CNTN5: variants seen among roughly 807,000 people sequenced by gnomAD.
CNTN5 encodes the protein contactin-5.
Under a neutral mutation model 129.1 loss-of-function variants are expected in CNTN5, and 77 were observed. That is an observed-to-expected ratio of 0.60 (90% confidence interval 0.50 to 0.72). The LOEUF is 0.72. Among genes scored for constraint, CNTN5 ranks in the 30% least tolerant of loss-of-function variants. The pLI, the probability that CNTN5 is intolerant of heterozygous loss-of-function variation, is 0.00. For missense variants in CNTN5, 1,478 were observed against 1,328.8 expected (o/e 1.11, Z -1.75); for synonymous variants, 509 against 465.6 (o/e 1.09, Z -1.20).
intron 17 of CNTN5, among the ~76,000 whole-genome samples, chr11:100,257,794 A>C (rs776354841): frequency 1.9e-4 from 29 of 152,210 alleles, no homozygotes; most frequent in Non-Finnish European, 3.7e-4. Context: ...GGTCACCAAC[A>C]TCGAAGACCA....
chr11:99,865,943 C>T (rs914618233), intron 6 of CNTN5, among the ~76,000 whole-genome samples: 1 of 152,084 alleles, frequency 6.6e-6, no homozygotes, highest in East Asian at 1.9e-4. Flanking sequence ...CATAGTAGAA[C>T]TATTACTGTT....
intron 16 of CNTN5, among the ~76,000 whole-genome samples, chr11:100,233,942 TAAAC>T (rs1391617328): frequency 1.3e-5 from 2 of 151,754 alleles, no homozygotes; most frequent in African/African-American, 4.8e-5. Context: ...ACAAGAAACT[TAAAC>T]AAATTTACAA....
intron 2 of CNTN5, among the ~76,000 whole-genome samples, chr11:99,526,241 G>GT (rs1278609297): frequency 6.6e-6 from 1 of 152,126 alleles, no homozygotes; most frequent in Non-Finnish European, 1.5e-5. Context: ...GAAGTAGTGT[G>GT]TTTTTTCTTT....
intron 2 of CNTN5, among the ~76,000 whole-genome samples, chr11:99,436,446 T>C (rs949390083): frequency 2.0e-5 from 3 of 152,184 alleles, no homozygotes; most frequent in African/African-American, 7.2e-5. Context: ...TCCTTACATC[T>C]TTCACAGCAT....
chr11:99,199,483 G>A (rs941094479), intron 1 of CNTN5, among the ~76,000 whole-genome samples: 4 of 152,058 alleles, frequency 2.6e-5, no homozygotes, highest in Admixed American at 6.6e-5. Context: ...ACAACAACCC[G>A]ACATTCTCAT....
intron 3 of CNTN5, among the ~76,000 whole-genome samples, chr11:99,623,313 C>T (rs1951015632): frequency 6.6e-6 from 1 of 152,048 alleles, no homozygotes; most frequent in Admixed American, 6.6e-5. Context: ...ATAACTTAAG[C>T]TCAACTGGAT....
intron 6 of CNTN5, among the ~76,000 whole-genome samples, chr11:99,859,272 T>G (rs1310633077): frequency 1.3e-5 from 2 of 152,242 alleles, no homozygotes; most frequent in African/African-American, 4.8e-5. Context: ...ACGGCTCAGA[T>G]TACTGAACTT....
At chr11:99,595,096 A>C (rs992256330) in intron 3 of CNTN5, among the ~76,000 whole-genome samples, 1 of 152,154 alleles carries the variant, frequency 6.6e-6, no homozygotes, top group Admixed American at 6.5e-5. Context: ...AGGGTGGTCA[A>C]TGGGTACAAA....
chr11:99,279,002 A>T (rs995378318), intron 1 of CNTN5, among the ~76,000 whole-genome samples: 1 of 151,708 alleles, frequency 6.6e-6, no homozygotes, highest in African/African-American at 2.4e-5. Context: ...TATAATGTCA[A>T]GTGAAAATAT....
At chr11:99,229,955 T>C (rs1205864476) in intron 1 of CNTN5, among the ~76,000 whole-genome samples, 2 of 151,936 alleles carry the variant, frequency 1.3e-5, no homozygotes, top group Non-Finnish European at 2.9e-5. Flanking sequence ...TAAGAAAACT[T>C]CCTCATAATA....
chr11:99,862,570 T>A (rs1473446320), intron 6 of CNTN5, among the ~76,000 whole-genome samples: 3 of 152,090 alleles, frequency 2.0e-5, no homozygotes, highest in Non-Finnish European at 4.4e-5. Flanking sequence ...AATCTGACTT[T>A]GTTGTCTATT....
intron 6 of CNTN5, among the ~76,000 whole-genome samples, chr11:99,903,438 C>A (rs1184206783): frequency 1.3e-5 from 2 of 151,974 alleles, no homozygotes; most frequent in African/African-American, 4.8e-5. Flanking sequence ...AAAACTATTT[C>A]TTTATGAAAA....
At chr11:99,225,293 A>C (rs17133283) in intron 1 of CNTN5, among the ~76,000 whole-genome samples, 1 of 152,162 alleles carries the variant, frequency 6.6e-6, no homozygotes, top group South Asian at 2.1e-4. Context: ...ACAGGGCGCT[A>C]TAGGCCTGCG....
intron 16 of CNTN5, 124 bp from the exon 17 acceptor site, chr11:100,255,636 T>C (rs1212750260): frequency 1.3e-6 from 1 of 799,978 alleles, no homozygotes; most frequent in Non-Finnish European, 1.9e-6. Context: ...TCAATTTTAA[T>C]TACTAAATTC....
chr11:99,661,535 A>G (rs1264491184), intron 3 of CNTN5, among the ~76,000 whole-genome samples: 1 of 152,064 alleles, frequency 6.6e-6, no homozygotes, highest in African/African-American at 2.4e-5. Flanking sequence ...AAGTTACTAT[A>G]TGTGTATATG....
At position 100,308,430 on chromosome 11, in the gene CNTN5, C is replaced by T. The variant is rs200641626; in HGVS notation, c.2692C>T (p.His898Tyr). 6.2e-6 allele frequency: 10 copies of T among 1,610,654 alleles called. No homozygotes were observed. The highest frequency in any genetic ancestry group is 8.5e-6 in the Non-Finnish European group (10 of 1,177,782). The change falls in exon 21 of 25, where the codon CAC becomes TAC. Residue 898 changes from histidine to tyrosine, a missense_variant. His to Tyr is a moderately conservative substitution (Grantham distance 83). Coordinates refer to ENST00000524871, the MANE Select transcript of CNTN5 (RefSeq NM_014361.4). ...GTCAGAGATTCTTGTTGCATGGAAA[C>T]ACATTAAAGAGAGTCTAGGAAGACC... ...SVSEILVAWK[H>Y]IKESLGRPQG...
At chr11:99,695,890 G>A (rs908368328) in intron 3 of CNTN5, among the ~76,000 whole-genome samples, 1 of 151,976 alleles carries the variant, frequency 6.6e-6, no homozygotes, top group African/African-American at 2.4e-5. Flanking sequence ...AACACTAAAA[G>A]CACTTACCTT....
intron 13 of CNTN5, among the ~76,000 whole-genome samples, chr11:100,082,086 C>A (rs1944387093): frequency 6.6e-6 from 1 of 151,740 alleles, no homozygotes; most frequent in South Asian, 2.1e-4. Flanking sequence ...TAAAAAGAAT[C>A]ATCATCATGC....
At chr11:99,592,837 G>A (rs1421986828) in intron 3 of CNTN5, among the ~76,000 whole-genome samples, 1 of 152,136 alleles carries the variant, frequency 6.6e-6, no homozygotes, top group African/African-American at 2.4e-5. Context: ...GGTGAATATA[G>A]TAGTCTGAGT....
Sources: allele counts gnomAD v4.1 joint callset (sites outside exome capture counted in the v4.1 genomes callset), GRCh38; gene constraint gnomAD v4.1.1; transcripts MANE v1.5; gene names NCBI Gene and HGNC (gene_info 2026-07-23, HGNC 2026-07-21).